TSPAN18: variants seen among roughly 807,000 people sequenced by gnomAD.
TSPAN18 encodes tetraspanin 18.
A neutral mutation model predicts 27.3 loss-of-function variants in TSPAN18; 14 were observed. The ratio of observed to expected loss-of-function variants is 0.51; its 90% confidence interval spans 0.34 to 0.80. TSPAN18 has a LOEUF of 0.80. Ranked by LOEUF, TSPAN18 falls within the 30% of genes least tolerant of loss-of-function variation. The pLI is 0.01. For synonymous variants in TSPAN18, 143 were observed against 136.5 expected (o/e 1.05, Z -0.33); for missense variants, 268 against 323.9 (o/e 0.83, Z 1.32).
At chr11:44,763,289 T>C (rs1050929116) in intron 1 of TSPAN18, among the ~76,000 whole-genome samples, 5 of 152,186 alleles carry the variant, frequency 3.3e-5, no homozygotes, top group Admixed American at 1.3e-4. Flanking sequence ...TTTGCTCTTA[T>C]TTCTCAGCTG....
intron 2 of TSPAN18, among the ~76,000 whole-genome samples, chr11:44,826,229 C>A (rs1448244689): frequency 1.3e-5 from 2 of 152,134 alleles, no homozygotes; most frequent in Non-Finnish European, 2.9e-5. Flanking sequence ...TCAAGACCAG[C>A]CTGACCAACA....
intron 1 of TSPAN18, among the ~76,000 whole-genome samples, chr11:44,732,996 G>A (rs1181919500): frequency 1.2e-4 from 19 of 152,282 alleles, no homozygotes; most frequent in Non-Finnish European, 4.4e-5. Flanking sequence ...AAAGCATGTG[G>A]CATCCAAAGT....
intron 2 of TSPAN18, among the ~76,000 whole-genome samples, chr11:44,851,655 C>T (rs1472309519): frequency 2.0e-5 from 3 of 150,702 alleles, no homozygotes; most frequent in African/African-American, 7.3e-5. Context: ...CCTCCCTCCT[C>T]TCTCTTCTCA....
rs527448648 is a variant in TSPAN18, at chr11:44,885,376, A to G, written c.-10-21031A>G. Among the ~76,000 whole-genome samples the G allele has an allele frequency of 3.3e-5, 5 of 152,252 alleles. No individual in the cohort carries two copies. The East Asian group carries it at 7.7e-4, about 24-fold the overall frequency. ...TTTTTTCCCCCAAAGAAAAGTAGAA[A>G]TATTGTCCTGGTGCTCTGAAAGGGT... On this transcript the variant is annotated intron_variant, in intron 3 of 9. Coordinates refer to ENST00000520358, the MANE Select transcript of TSPAN18 (RefSeq NM_130783.5).
At chr11:44,900,277 T>C (rs144002291) in intron 3 of TSPAN18, among the ~76,000 whole-genome samples, 3,404 of 152,338 alleles carry the variant, frequency 0.022, 276 homozygotes, top group Admixed American at 0.15. Context: ...CCTGGGAGGC[T>C]GTCCCTGCTG....
chr11:44,817,257 TA>T (rs1372195866), intron 2 of TSPAN18, among the ~76,000 whole-genome samples: 1 of 152,194 alleles, frequency 6.6e-6, no homozygotes. Context: ...TTTCTCAGAG[TA>T]AAATGGGATT....
chr11:44,880,926 C>A (rs998196884), intron 3 of TSPAN18, among the ~76,000 whole-genome samples: 1 of 152,252 alleles, frequency 6.6e-6, no homozygotes, highest in African/African-American at 2.4e-5. Flanking sequence ...GGCTGCTGGG[C>A]AAAGGGCCTG....
intron 3 of TSPAN18, among the ~76,000 whole-genome samples, chr11:44,880,524 G>T (rs1324629551): frequency 6.6e-6 from 1 of 152,228 alleles, no homozygotes; most frequent in African/African-American, 2.4e-5. Context: ...TATTCACCCA[G>T]TGTGAGCCCT....
chr11:44,750,274 CACTT>C (rs778535584), intron 1 of TSPAN18, among the ~76,000 whole-genome samples: 3 of 152,190 alleles, frequency 2.0e-5, no homozygotes, highest in South Asian at 2.1e-4. Flanking sequence ...TCAATATTGA[CACTT>C]ACTTAGCAGC....
intron 7 of TSPAN18, 194 bp from the exon 8 acceptor site, chr11:44,919,623 G>A: frequency 3.1e-6 from 2 of 644,702 alleles, no homozygotes; most frequent in East Asian, 5.3e-5. Flanking sequence ...TGCCACCTCT[G>A]TTATAGAGAT....
rs77429468 is a variant in TSPAN18, at chr11:44,801,202, G to A, written c.-153+36690G>A. Among the ~76,000 whole-genome samples, 418 of 152,306 alleles carry A rather than the reference G, an allele frequency of 2.7e-3. 2 individuals are homozygous for A. The highest frequency in any genetic ancestry group is 9.3e-3 in the African/African-American group (386 of 41,566). Reference sequence around the variant, plus strand: ...AATTGGTACATAGGGGTTCATTATAGTATTCTCTCTGTGTGTGCTTGAAAA... The same window carrying A: ...AATTGGTACATAGGGGTTCATTATAATATTCTCTCTGTGTGTGCTTGAAAA... On this transcript the variant is annotated intron_variant, in intron 2 of 9. Coordinates refer to ENST00000520358, the MANE Select transcript of TSPAN18 (RefSeq NM_130783.5).
chr11:44,926,831 CTCCTT>C, intron 9 of TSPAN18, 74 bp downstream of exon 9: 1 of 1,515,928 alleles, frequency 6.6e-7, no homozygotes, highest in Non-Finnish European at 9.1e-7. Context: ...TCCCCCCAGC[CTCCTT>C]TCCTCTTCAT....
At chr11:44,887,114 C>T (rs950057514) in intron 3 of TSPAN18, among the ~76,000 whole-genome samples, 3 of 152,202 alleles carry the variant, frequency 2.0e-5, no homozygotes, top group African/African-American at 7.2e-5. Flanking sequence ...ATCTGACTTT[C>T]TAAATTTCGG....
intron 2 of TSPAN18, among the ~76,000 whole-genome samples, chr11:44,766,946 G>A (rs1855581272): frequency 6.6e-6 from 1 of 152,204 alleles, no homozygotes; most frequent in South Asian, 2.1e-4. Context: ...TGGTTGTAAG[G>A]TCAAGGTGAC....
At chr11:44,809,838 G>A (rs1402679187) in intron 2 of TSPAN18, among the ~76,000 whole-genome samples, 2 of 152,198 alleles carry the variant, frequency 1.3e-5, no homozygotes, top group East Asian at 1.9e-4. Context: ...TCAGCACAGC[G>A]ATTGGGCCAT....
intron 2 of TSPAN18, among the ~76,000 whole-genome samples, chr11:44,800,716 C>A (rs1856461238): frequency 6.6e-6 from 1 of 152,184 alleles, no homozygotes; most frequent in African/African-American, 2.4e-5. Flanking sequence ...TTGGCCCAAC[C>A]CCCTCGTAGT....
chr11:44,797,832 C>G (rs919909852), intron 2 of TSPAN18, among the ~76,000 whole-genome samples: 7 of 152,174 alleles, frequency 4.6e-5, no homozygotes, highest in Admixed American at 3.9e-4. Flanking sequence ...TGGCCTTTCT[C>G]TAAGTGGGTG....
chr11:44,915,215 C>G (rs1007549016), intron 5 of TSPAN18, among the ~76,000 whole-genome samples: 6 of 152,188 alleles, frequency 3.9e-5, no homozygotes, highest in African/African-American at 1.4e-4. Context: ...TGGGGAGGGG[C>G]TCCTCATAGA....
intron 2 of TSPAN18, among the ~76,000 whole-genome samples, chr11:44,813,079 C>G (rs835841): frequency 6.6e-6 from 1 of 152,212 alleles, no homozygotes; most frequent in South Asian, 2.1e-4. Flanking sequence ...CTCACTCTCC[C>G]AGGGAAAGGG....
Sources: gnomAD v4.1 joint callset for allele counts (sites outside exome capture counted in the v4.1 genomes callset) on GRCh38, gnomAD v4.1.1 for gene constraint, MANE v1.5 for transcripts, NCBI Gene and HGNC (gene_info 2026-07-23, HGNC 2026-07-21) for gene names.